Variants in SMAGP observed in about 807,000 individuals in gnomAD.
The protein encoded by SMAGP is small cell adhesion glycoprotein, also known as small cell transmembrane and glycosylated protein.
Under a neutral mutation model 10.1 loss-of-function variants are expected in SMAGP, and 7 were observed. The observed-to-expected ratio is 0.70, with a 90% CI of 0.40 to 1.31. The LOEUF (loss-of-function observed/expected upper bound fraction) is 1.31. SMAGP is among the 50% of genes most tolerant of loss of function. SMAGP has a pLI of 0.01. For missense variants in SMAGP, 113 were observed against 116.5 expected (o/e 0.97, Z 0.14); for synonymous variants, 49 against 47.2 (o/e 1.04, Z -0.16).
rs1032966163 is a variant in SMAGP, at chr12:51,245,260, G to A, written c.*681C>T. 3.3e-5 allele frequency: 5 copies of A among 152,302 alleles called. No individual in the cohort carries two copies. Among genetic ancestry groups the A allele is most frequent in the African/African-American group, 1.2e-4 (5 of 41,440 alleles). 9.4% of individuals were successfully genotyped at this position (152,302 alleles called of 1,614,324 possible). On this transcript the variant is annotated 3_prime_UTR_variant, in exon 4 of 4. Coordinates refer to ENST00000603798, the MANE Select transcript of SMAGP (RefSeq NM_001031628.2). ...TCTTATTGCTTGGAAGAGAACATAT[G>A]TAAAGGCGTTAAATAGGGAAAAGAA...
intron 2 of SMAGP, among the ~76,000 whole-genome samples, chr12:51,248,426 A>ACTCTCTCTCTCTCTCT (rs1944801847): frequency 8.9e-6 from 1 of 112,240 alleles, no homozygotes; most frequent in African/African-American, 3.8e-5. Flanking sequence ...ACACACACAC[A>ACTCTCTCTCTCTCTCT]CACACACACT....
At chr12:51,264,857 G>C (rs545248313) in intron 2 of SMAGP, among the ~76,000 whole-genome samples, 1 of 150,012 alleles carries the variant, frequency 6.7e-6, no homozygotes, top group African/African-American at 2.5e-5. Flanking sequence ...GCTTGAACCC[G>C]GGAGGTGGAG....
Position 51,246,070 on chromosome 12 carries a change from G to T in SMAGP, c.165C>A (p.Ile55=), listed in dbSNP as rs982560480. The part of the protein sequence containing the change: ...FLTLLSVVIL[I]FFYLYKNKGS... ...CTTTGTTCTTGTACAGGTAAAAGAA[G>T]ATCAAGATCACGACCGAGAGCAGGG... is the stretch of plus-strand genomic sequence containing the variant. The change falls in exon 4 of 4, where the codon ATC becomes ATA. Residue 55 remains isoleucine (I), a synonymous_variant. Coordinates refer to ENST00000603798, the MANE Select transcript of SMAGP (RefSeq NM_001031628.2). 3.7e-5 allele frequency: 59 copies of T among 1,613,822 alleles called. No individual in the cohort carries two copies. The highest frequency in any genetic ancestry group is 4.7e-5 in the Non-Finnish European group (55 of 1,179,870).
intron 2 of SMAGP, chr12:51,251,462 C>T (rs933621420): frequency 6.7e-6 from 1 of 150,288 alleles, no homozygotes. Flanking sequence ...TGGTGGCACA[C>T]ACCTGTAGTC....
intron 2 of SMAGP, among the ~76,000 whole-genome samples, chr12:51,255,606 T>C (rs1565658486): frequency 6.6e-6 from 1 of 152,142 alleles, no homozygotes; most frequent in Non-Finnish European, 1.5e-5. Context: ...CCTTCTAGTC[T>C]AGCAGACCTT....
Position 51,269,241 on chromosome 12 carries a change from CT to C in SMAGP, c.34+3del, listed in dbSNP as rs779568549. ...CACTGGGATTAGGAAAGGCCTTCAC[CT>C]ACCTCTTGGAGAAGGAGTAGTCAGG... On this transcript the variant is annotated splice_donor_region_variant and intron_variant, in intron 2 of 3. Transcript: ENST00000603798. 3 of 1,613,856 alleles carry C rather than the reference CT, an allele frequency of 1.9e-6. No homozygotes were observed. Among genetic ancestry groups the C allele is most frequent in the Non-Finnish European group, 2.5e-6 (3 of 1,179,812 alleles).
In SMAGP at chr12:51,245,404, T is replaced by C. The variant is rs1944753600; in HGVS notation, c.*537A>G. 1 of 152,722 alleles carries C rather than the reference T, an allele frequency of 6.5e-6. No homozygotes were observed. Among genetic ancestry groups the C allele is most frequent in the Non-Finnish European group, 1.5e-5 (1 of 68,156 alleles). 9.5% of individuals were successfully genotyped at this position (152,722 alleles called of 1,614,324 possible). On this transcript the variant is annotated 3_prime_UTR_variant, in exon 4 of 4. Coordinates refer to ENST00000603798, the MANE Select transcript of SMAGP (RefSeq NM_001031628.2). ...GAATAAAAATCACGTAAGCATGAGG[T>C]TGTTGGGGAACACGGAAAGGAAGGG...
intron 2 of SMAGP, 136 bp downstream of exon 2, chr12:51,269,109 C>T: frequency 1.1e-6 from 1 of 908,084 alleles, no homozygotes; most frequent in Non-Finnish European, 1.8e-6. Context: ...CCTGCTTCCT[C>T]CCAGGCCCTT....
rs138152219 is a variant in SMAGP, at chr12:51,254,457, G to T, written c.35-7626C>A. 0.011 allele frequency among the ~76,000 whole-genome samples: 1,637 copies of T among 152,148 alleles called. 52 individuals carry two copies. The East Asian group carries it at 0.11, about 10-fold the overall frequency. ...AGCTACTCAGGAGGCTGAGGCAGGA[G>T]AATCACTTGAACCCAGGAGGCGGAG... On this transcript the variant is annotated intron_variant, in intron 2 of 3. Transcript: ENST00000603798.
chr12:51,265,271 T>C (rs1944964568), intron 2 of SMAGP, among the ~76,000 whole-genome samples: 1 of 152,186 alleles, frequency 6.6e-6, no homozygotes, highest in Non-Finnish European at 1.5e-5. Context: ...CTGGTAGGAA[T>C]ATAAAATGGT....
intron 1 of SMAGP, chr12:51,269,796 C>A (rs1945010832): frequency 6.6e-6 from 1 of 152,384 alleles, no homozygotes; most frequent in South Asian, 2.1e-4. Context: ...GGGCCGGGAC[C>A]GGGAGGCGAC....
chr12:51,267,687 G>A (rs1565661460), intron 2 of SMAGP, among the ~76,000 whole-genome samples: 1 of 151,922 alleles, frequency 6.6e-6, no homozygotes, highest in Non-Finnish European at 1.5e-5. Context: ...TAGAGATGGG[G>A]TTTCGCCATG....
At position 51,261,092 on chromosome 12, in the gene SMAGP, AT is replaced by A. The variant is rs34540958; in HGVS notation, c.34+8152del. Among the ~76,000 whole-genome samples the A allele has an allele frequency of 9.0e-3, 993 of 110,790 alleles. 15 individuals carry two copies. The highest frequency in any genetic ancestry group is 0.033 in the African/African-American group (916 of 27,996). The allele number at this position is 110,790 out of a possible 152,430, so 72.7% of individuals were successfully genotyped here. On this transcript the variant is annotated intron_variant, in intron 2 of 3. Coordinates refer to ENST00000603798, the MANE Select transcript of SMAGP (RefSeq NM_001031628.2). ...GTGTGAGCCACCGTGCCCAGCCTTA[AT>A]TTTTTTTTTTTTTTTTTTCTGAGAC...
intron 1 of SMAGP, chr12:51,270,049 C>A (rs1342957905): frequency 3.3e-5 from 5 of 151,718 alleles, no homozygotes. Flanking sequence ...CCCCGAGCCC[C>A]CCGCGTTACC....
In SMAGP at chr12:51,269,251, GAGA is replaced by G. The variant is rs746561872; in HGVS notation, c.25_27del (p.Ser9del). The G allele has an allele frequency of 1.9e-6, 3 of 1,613,772 alleles. No homozygotes were observed. The highest frequency in any genetic ancestry group is 2.5e-6 in the Non-Finnish European group (3 of 1,179,812). Reference sequence around the variant, plus strand: ...AGGAAAGGCCTTCACCTACCTCTTGGAGAAGGAGTAGTCAGGAGGCTGGTCATT... The same window carrying G: ...AGGAAAGGCCTTCACCTACCTCTTGGAGGAGTAGTCAGGAGGCTGGTCATT... On this transcript the variant is annotated inframe_deletion, in exon 2 of 4. Coordinates refer to ENST00000603798, the MANE Select transcript of SMAGP (RefSeq NM_001031628.2).
At chr12:51,269,642 GT>G (rs1480520575) in intron 1 of SMAGP, 4 of 213,014 alleles carry the variant, frequency 1.9e-5, no homozygotes, top group African/African-American at 4.6e-5. Context: ...AGCGAACCCA[GT>G]TTCGCCAAAG....
intron 1 of SMAGP, chr12:51,269,668 C>G (rs1945008813): frequency 5.2e-6 from 1 of 193,566 alleles, no homozygotes. Flanking sequence ...GTAACAGGTA[C>G]CCTAGGGTTC....
At chr12:51,250,508 T>A (rs1944827322) in intron 2 of SMAGP, among the ~76,000 whole-genome samples, 1 of 92,780 alleles carries the variant, frequency 1.1e-5, no homozygotes, top group South Asian at 3.6e-4. Context: ...GTGTTTTTTT[T>A]TTGTTTTTTT....
In SMAGP at chr12:51,262,152, A is replaced by C. The variant is rs577319028; in HGVS notation, c.34+7093T>G. ...TGTTTGTACATAGAAAAGGTCTAGA[A>C]AGCTGTTCTCTGAGGGGCATGTATT... On this transcript the variant is annotated intron_variant, in intron 2 of 3. Transcript: ENST00000603798. Among the ~76,000 whole-genome samples the C allele has an allele frequency of 7.2e-5, 11 of 152,154 alleles. No homozygotes were observed. In the East Asian group the frequency reaches 1.9e-3, roughly 27 times the overall value.
Sources: gnomAD v4.1 joint callset for allele counts (sites outside exome capture counted in the v4.1 genomes callset) on GRCh38, gnomAD v4.1.1 for gene constraint, MANE v1.5 for transcripts, NCBI Gene and HGNC (gene_info 2026-07-23, HGNC 2026-07-21) for gene names.